Variants in CPE observed in about 807,000 individuals in gnomAD.
CPE encodes the protein carbocypeptidase E.
A neutral mutation model predicts 53.5 loss-of-function variants in CPE; 17 were observed. The ratio of observed to expected loss-of-function variants is 0.32; its 90% CI spans 0.22 to 0.48. CPE has a LOEUF of 0.48. Among genes scored for constraint, CPE ranks in the 20% least tolerant of loss-of-function variants. The pLI is 0.99. For missense variants in CPE, 524 were observed against 614.7 expected, an observed-to-expected ratio of 0.85 and a Z score of 1.56; for synonymous variants, 226 against 228.8, an observed-to-expected ratio of 0.99 and a Z score of 0.11.
At chr4:165,441,918 C>T (rs1009726161) in intron 1 of CPE, among the ~76,000 whole-genome samples, 4 of 151,686 alleles carry the variant, frequency 2.6e-5, no homozygotes, top group Admixed American at 6.6e-5. Context: ...TGAAAGGTAG[C>T]GTTCTTTTTG....
At chr4:165,454,259 C>T (rs1438851217) in intron 1 of CPE, among the ~76,000 whole-genome samples, 6 of 152,132 alleles carry the variant, frequency 3.9e-5, no homozygotes. Context: ...TCAGAGAGCT[C>T]CATTTGCTTC....
At chr4:165,394,559 CT>C (rs1388054365) in intron 1 of CPE, among the ~76,000 whole-genome samples, 1 of 151,996 alleles carries the variant, frequency 6.6e-6, no homozygotes, top group Non-Finnish European at 1.5e-5. Flanking sequence ...ATATAAATAA[CT>C]AAAAATGGGT....
intron 1 of CPE, among the ~76,000 whole-genome samples, chr4:165,440,696 A>G (rs1936045514): frequency 6.6e-6 from 1 of 152,102 alleles, no homozygotes; most frequent in Non-Finnish European, 1.5e-5. Context: ...AATTCCAAGG[A>G]GTGAGTCAGA....
At position 165,482,377 on chromosome 4, in the gene CPE, T is replaced by C; in HGVS notation, c.790+18T>C. On this transcript the variant is annotated intron_variant, in intron 4 of 8. Transcript: ENST00000402744. ...GCGGAGTGGTAGGTATTCTTTCTGC[T>C]TCTCTTATTGGTTCAAAGTTTATAA... The C allele has an allele frequency of 6.5e-7, 1 of 1,533,580 alleles. No individual in the cohort carries two copies. 95.0% of individuals were successfully genotyped at this position (1,533,580 alleles called of 1,614,324 possible).
intron 1 of CPE, among the ~76,000 whole-genome samples, chr4:165,389,867 C>T (rs1174849731): frequency 2.0e-5 from 3 of 152,102 alleles, no homozygotes; most frequent in African/African-American, 7.2e-5. Context: ...CTTCTCATTT[C>T]TTAAGGAGTC....
Position 165,467,788 on chromosome 4 carries a change from A to C in CPE, c.605A>C (p.Glu202Ala). Residue 202 changes from glutamate (E) to alanine (A), a missense_variant, in exon 3 of 9, where the codon GAG becomes GCG. By Grantham distance (107) the Glu-to-Ala change is moderately radical (BLOSUM62 -1). Transcript: ENST00000402744. The part of the protein sequence containing the change: ...PDLDRIVYVN[E>A]KEGGPNNHLL... Reference sequence around the variant, plus strand: ...CTGGATAGGATAGTGTACGTGAATGAGAAAGAAGGTGGTCCAAATAATCAT... The same window carrying C: ...CTGGATAGGATAGTGTACGTGAATGCGAAAGAAGGTGGTCCAAATAATCAT... 6.2e-7 allele frequency: 1 copy of C among 1,613,922 alleles called. No homozygotes were observed. Among genetic ancestry groups the C allele is most frequent in the Non-Finnish European group, 8.5e-7 (1 of 1,179,894 alleles).
At chr4:165,426,207 T>A (rs17046447) in intron 1 of CPE, among the ~76,000 whole-genome samples, 44,991 of 152,152 alleles carry the variant, frequency 0.3, 6,744 homozygotes, top group Middle Eastern at 0.39. Context: ...AAGAAGGATA[T>A]GAAGCAAGCT....
chr4:165,464,657 T>A, intron 2 of CPE, 71 bp downstream of exon 2: 1 of 1,333,650 alleles, frequency 7.5e-7, no homozygotes, highest in Non-Finnish European at 1.0e-6. Flanking sequence ...CATGTTTATC[T>A]AAAAATTATG....
chr4:165,403,499 T>C (rs570197154), intron 1 of CPE, among the ~76,000 whole-genome samples: 2 of 152,214 alleles, frequency 1.3e-5, no homozygotes, highest in Admixed American at 6.5e-5. Flanking sequence ...TAAATAATCA[T>C]TGGGGCCCCA....
chr4:165,458,087 A>G (rs756845297), intron 1 of CPE, among the ~76,000 whole-genome samples: 1 of 152,226 alleles, frequency 6.6e-6, no homozygotes, highest in Non-Finnish European at 1.5e-5. Flanking sequence ...GGAAACAATT[A>G]GTAGCACTAA....
chr4:165,436,191 T>TACACACAC lies in CPE; in HGVS notation c.308-28182_308-28175dup, dbSNP rs35269093. Among the ~76,000 whole-genome samples the TACACACAC allele has an allele frequency of 6.8e-3, 1,019 of 149,390 alleles. 27 individuals carry two copies. In the East Asian group the frequency reaches 0.097, roughly 14 times the overall value. Reference sequence around the variant, plus strand: ...ATTTTGCAGCATTTCCCAGCACACATACACACACACACACACACACACACG... The same window carrying TACACACAC: ...ATTTTGCAGCATTTCCCAGCACACATACACACACACACACACACACACACACACACACG... On this transcript the variant is annotated intron_variant, in intron 1 of 8. Transcript: ENST00000402744.
intron 1 of CPE, among the ~76,000 whole-genome samples, chr4:165,403,551 A>T (rs1444720329): frequency 6.6e-6 from 1 of 152,192 alleles, no homozygotes; most frequent in Non-Finnish European, 1.5e-5. Context: ...ACAATGATTT[A>T]ATTTTTGAAT....
At chr4:165,427,319 A>G (rs1438120) in intron 1 of CPE, among the ~76,000 whole-genome samples, 84,623 of 151,824 alleles carry the variant, frequency 0.56, 24,345 homozygotes, top group East Asian at 0.75. Flanking sequence ...CTCTCACTTT[A>G]GCAATTACCT....
At chr4:165,466,761 C>T (rs1732111399) in intron 2 of CPE, among the ~76,000 whole-genome samples, 1 of 152,082 alleles carries the variant, frequency 6.6e-6, no homozygotes, top group East Asian at 1.9e-4. Flanking sequence ...CATGATCCAC[C>T]CACCTTGGCC....
At chr4:165,493,294 G>C (rs1325972669) in intron 7 of CPE, 24 bp downstream of exon 7, 2 of 1,501,902 alleles carry the variant, frequency 1.3e-6, no homozygotes, top group Admixed American at 1.7e-5. Flanking sequence ...ACAATTGGAG[G>C]CTCTACGTTA....
chr4:165,440,018 G>T (rs1731580331), intron 1 of CPE, among the ~76,000 whole-genome samples: 1 of 152,124 alleles, frequency 6.6e-6, no homozygotes, highest in African/African-American at 2.4e-5. Flanking sequence ...ATCATCATTT[G>T]CATAGTGCAA....
chr4:165,485,792 T>TC (rs1314020084), intron 5 of CPE, among the ~76,000 whole-genome samples: 5 of 152,200 alleles, frequency 3.3e-5, no homozygotes, highest in Admixed American at 1.3e-4. Flanking sequence ...CAAAGGAAGC[T>TC]CCGTTAGTCT....
intron 1 of CPE, among the ~76,000 whole-genome samples, chr4:165,384,203 A>C (rs914326513): frequency 1.3e-5 from 2 of 152,262 alleles, no homozygotes; most frequent in Non-Finnish European, 2.9e-5. Context: ...ACATATATTC[A>C]GCATGGTTTG....
chr4:165,450,940 C>T (rs986570511), intron 1 of CPE, among the ~76,000 whole-genome samples: 1 of 152,180 alleles, frequency 6.6e-6, no homozygotes, highest in East Asian at 1.9e-4. Flanking sequence ...TTTGATCTCT[C>T]TTTCTTTCCC....
Sources: gnomAD v4.1 joint callset for allele counts (sites outside exome capture counted in the v4.1 genomes callset) on GRCh38, gnomAD v4.1.1 for gene constraint, MANE v1.5 for transcripts, NCBI Gene and HGNC (gene_info 2026-07-23, HGNC 2026-07-21) for gene names.